The following ZNF385D variants were observed in gnomAD, a reference collection of about 807,000 sequenced individuals.
ZNF385D encodes zinc finger protein 385D, also known as zinc finger protein 659.
In ZNF385D, 15 loss-of-function variants were observed where a neutral mutation model predicts 35.8. The observed-to-expected ratio is 0.42, with a 90% CI of 0.28 to 0.64. The LOEUF (loss-of-function observed/expected upper bound fraction) is 0.64, where lower values mean the gene tolerates loss of function less well. Among genes scored for constraint, ZNF385D ranks in the 30% least tolerant of loss-of-function variants. ZNF385D has a pLI of 0.23. For synonymous variants in ZNF385D, 212 were observed against 186.8 expected, an observed-to-expected ratio of 1.13 and a Z score of -1.10; for missense variants, 474 against 494.6, an observed-to-expected ratio of 0.96 and a Z score of 0.39.
intron 2 of ZNF385D, among the ~76,000 whole-genome samples, chr3:22,336,304 G>T (rs1226176831): frequency 6.6e-6 from 1 of 152,136 alleles, no homozygotes; most frequent in Non-Finnish European, 1.5e-5. Flanking sequence ...GGTGATGCCT[G>T]AAATACTATT....
chr3:21,812,922 GC>G (rs1420881028), intron 3 of ZNF385D, among the ~76,000 whole-genome samples: 1 of 152,174 alleles, frequency 6.6e-6, no homozygotes, highest in Non-Finnish European at 1.5e-5. Context: ...CCCCTGAGTA[GC>G]CCAACTGGGA....
chr3:22,200,091 AG>A (rs1696680874), intron 2 of ZNF385D, among the ~76,000 whole-genome samples: 2 of 152,130 alleles, frequency 1.3e-5, no homozygotes, highest in Non-Finnish European at 1.5e-5. Flanking sequence ...AAGACAGAAT[AG>A]GAACATCCAG....
Position 21,750,878 on chromosome 3 carries a change from T to C in ZNF385D, c.22+17A>G. ...GCCGGACACCCCCAGAATTACATCATCAGAGTGAACACTCACCAAAATACA... is the reference window on the plus strand; with the variant it reads ...GCCGGACACCCCCAGAATTACATCACCAGAGTGAACACTCACCAAAATACA... On this transcript the variant is annotated intron_variant, in intron 1 of 7. Coordinates refer to ENST00000281523, the MANE Select transcript of ZNF385D (RefSeq NM_024697.3). 1.2e-6 allele frequency: 2 copies of C among 1,614,074 alleles called. No individual in the cohort carries two copies. The highest frequency in any genetic ancestry group is 1.7e-6 in the Non-Finnish European group (2 of 1,179,958).
intron 3 of ZNF385D, among the ~76,000 whole-genome samples, chr3:21,553,926 T>C (rs2062646519): frequency 6.6e-6 from 1 of 152,222 alleles, no homozygotes; most frequent in Non-Finnish European, 1.5e-5. Context: ...TATACTTCTC[T>C]TGCTATTTCC....
Position 22,191,451 on chromosome 3 carries a change from C to T in ZNF385D, c.107-22416G>A, listed in dbSNP as rs150676769. Among the ~76,000 whole-genome samples, 201 of 150,072 alleles carry T rather than the reference C, an allele frequency of 1.3e-3. 1 individual carries two copies. The highest frequency in any genetic ancestry group is 4.7e-3 in the African/African-American group (191 of 40,712). On this transcript the variant is annotated intron_variant, in intron 2 of 5. Transcript: ENST00000494108. The stretch of plus-strand genomic sequence containing the variant: ...GCAGTGAGCCGAGATAGTACCATTG[C>T]ACTCCAGCCTGGGCAACAAGAGTGA...
At chr3:21,997,877 G>A (rs958450448) in intron 3 of ZNF385D, among the ~76,000 whole-genome samples, 2 of 97,780 alleles carry the variant, frequency 2.0e-5, no homozygotes, top group Admixed American at 1.0e-4. Flanking sequence ...GCGCGCGTGT[G>A]TGTGTGTGTG....
intron 4 of ZNF385D, among the ~76,000 whole-genome samples, chr3:21,472,208 G>A (rs1703939325): frequency 6.6e-6 from 1 of 152,124 alleles, no homozygotes; most frequent in African/African-American, 2.4e-5. Context: ...TTTAACATCT[G>A]TTGACTTAAG....
At chr3:21,679,446 T>G (rs562542605) in intron 1 of ZNF385D, among the ~76,000 whole-genome samples, 1 of 152,224 alleles carries the variant, frequency 6.6e-6, no homozygotes, top group African/African-American at 2.4e-5. Flanking sequence ...TATTCATGGC[T>G]GGGTCATCTT....
intron 3 of ZNF385D, among the ~76,000 whole-genome samples, chr3:21,899,847 A>G (rs979414147): frequency 2.0e-5 from 3 of 152,106 alleles, no homozygotes; most frequent in Admixed American, 6.6e-5. Flanking sequence ...CCTACTCCCA[A>G]TAGTATCAGA....
intron 3 of ZNF385D, among the ~76,000 whole-genome samples, chr3:22,099,050 CA>C (rs1365787304): frequency 6.6e-6 from 1 of 151,340 alleles, no homozygotes. Context: ...AAATAGGAAG[CA>C]AAAAAAATCC....
Position 21,984,242 on chromosome 3 carries a change from C to T in ZNF385D, c.325+184575G>A, listed in dbSNP as rs1433849939. 2.5e-4 allele frequency among the ~76,000 whole-genome samples: 37 copies of T among 147,234 alleles called. 3 individuals are homozygous for T. Among genetic ancestry groups the T allele is most frequent in the Admixed American group, 1.3e-3 (19 of 15,088 alleles). On this transcript the variant is annotated intron_variant, in intron 3 of 5. Coordinates refer to the ZNF385D transcript ENST00000494108. Reference sequence around the variant, plus strand: ...GTTTTGGACCTGAAGTCCTTGGCCACGCCTATGTCCTGAATGGTAATGCCT... The same window carrying T: ...GTTTTGGACCTGAAGTCCTTGGCCATGCCTATGTCCTGAATGGTAATGCCT...
intron 2 of ZNF385D, among the ~76,000 whole-genome samples, chr3:22,274,994 T>C (rs182136084): frequency 5.9e-5 from 9 of 152,178 alleles, no homozygotes; most frequent in East Asian, 3.9e-4. Context: ...CACAGATCAA[T>C]TGATTAGAGA....
chr3:21,870,695 T>A (rs928308601), intron 3 of ZNF385D, among the ~76,000 whole-genome samples: 4 of 152,110 alleles, frequency 2.6e-5, no homozygotes, highest in African/African-American at 9.7e-5. Context: ...ATAAACACTT[T>A]TATAGATAGG....
chr3:22,045,551 G>C (rs1259028840), intron 3 of ZNF385D, among the ~76,000 whole-genome samples: 3 of 152,150 alleles, frequency 2.0e-5, no homozygotes, highest in South Asian at 2.1e-4. Flanking sequence ...TAGAAATTCA[G>C]GTGTGAGTTC....
At position 21,513,174 on chromosome 3, in the gene ZNF385D, A is replaced by T. The variant is rs1276706805; in HGVS notation, c.277-2151T>A. Among the ~76,000 whole-genome samples the T allele has an allele frequency of 2.6e-5, 4 of 152,262 alleles. No homozygotes were observed. The East Asian group carries it at 7.7e-4, about 29-fold the overall frequency. On this transcript the variant is annotated intron_variant, in intron 3 of 7. Coordinates refer to ENST00000281523, the MANE Select transcript of ZNF385D (RefSeq NM_024697.3). ...TATTTTTGAAATTAAGAAACTTACTACAAAGGAAGCCCACAAGTTAAGAAA... is the reference window on the plus strand; with the variant it reads ...TATTTTTGAAATTAAGAAACTTACTTCAAAGGAAGCCCACAAGTTAAGAAA...
chr3:21,482,318 T>C, intron 4 of ZNF385D, among the ~76,000 whole-genome samples: 1 of 152,186 alleles, frequency 6.6e-6, no homozygotes, highest in African/African-American at 2.4e-5. Context: ...AAAGTTTTTT[T>C]GGAACACTGG....
chr3:21,879,423 G>C (rs1039705743), intron 3 of ZNF385D, among the ~76,000 whole-genome samples: 2 of 151,890 alleles, frequency 1.3e-5, no homozygotes, highest in Non-Finnish European at 2.9e-5. Flanking sequence ...TAGTTGTTTA[G>C]CATTAAGAAC....
At chr3:21,793,383 C>A (rs576993088) in intron 3 of ZNF385D, among the ~76,000 whole-genome samples, 2 of 152,084 alleles carry the variant, frequency 1.3e-5, no homozygotes, top group African/African-American at 2.4e-5. Flanking sequence ...TTTTGACTAC[C>A]CATTTTGCAG....
chr3:21,740,436 GA>G, intron 1 of ZNF385D, among the ~76,000 whole-genome samples: 1 of 152,116 alleles, frequency 6.6e-6, no homozygotes, highest in Non-Finnish European at 1.5e-5. Context: ...TAAGTTTTGG[GA>G]AGCAAGATTT....
Sources: gnomAD v4.1 joint callset for allele counts (sites outside exome capture counted in the v4.1 genomes callset) on GRCh38, gnomAD v4.1.1 for gene constraint, MANE v1.5 for transcripts, NCBI Gene and HGNC (gene_info 2026-07-23, HGNC 2026-07-21) for gene names.